The following PRKCZ variants were observed in gnomAD, a reference collection of about 807,000 sequenced individuals.
PRKCZ encodes the protein protein kinase C zeta type.
Under a neutral mutation model 79.5 loss-of-function variants are expected in PRKCZ, and 33 were observed. That is an observed-to-expected ratio of 0.41 (90% CI 0.31 to 0.55). The LOEUF is 0.55. Ranked by LOEUF, PRKCZ falls within the 20% of genes least tolerant of loss-of-function variation. The pLI is 0.19. For synonymous variants in PRKCZ, 342 were observed against 320.9 expected (o/e 1.07, Z -0.70); for missense variants, 578 against 813.5 (o/e 0.71, Z 3.52).
intron 4 of PRKCZ, among the ~76,000 whole-genome samples, chr1:2,061,769 G>A (rs1194448910): frequency 2.6e-5 from 4 of 152,296 alleles, no homozygotes; most frequent in East Asian, 3.9e-4. Flanking sequence ...CTGCCCACTC[G>A]GGGTCCCAGG....
chr1:2,129,240 G>A (rs1674507889), intron 4 of PRKCZ, among the ~76,000 whole-genome samples: 9 of 152,180 alleles, frequency 5.9e-5, no homozygotes, highest in Admixed American at 5.9e-4. Flanking sequence ...CCGAAAAGGT[G>A]GGAATGTGGA....
intron 4 of PRKCZ, among the ~76,000 whole-genome samples, chr1:2,088,337 T>G (rs993106620): frequency 3.6e-4 from 54 of 152,082 alleles, no homozygotes; most frequent in African/African-American, 1.3e-3. Flanking sequence ...TCCCTGTTCC[T>G]CCCCTGCAGT....
chr1:2,050,737 AGGCAGGGAG>A, intron 1 of PRKCZ, 36 bp downstream of exon 1: 2 of 550,148 alleles, frequency 3.6e-6, no homozygotes, highest in Non-Finnish European at 5.1e-6. Context: ...GGCGCGGGTG[AGGCAGGGAG>A]GGCGGGGAGG....
At chr1:2,071,362 A>G (rs749595840) in intron 4 of PRKCZ, 20 of 462,700 alleles carry the variant, frequency 4.3e-5, no homozygotes, top group Middle Eastern at 4.0e-4. Flanking sequence ...GGCGTCTGAG[A>G]GGAGGCGGCC....
At chr1:2,054,960 T>G (rs2803308) in intron 1 of PRKCZ, among the ~76,000 whole-genome samples, 2 of 149,760 alleles carry the variant, frequency 1.3e-5, no homozygotes, top group African/African-American at 2.5e-5. Context: ...TTTTTTTTTT[T>G]AATACGGAGT....
At chr1:2,095,645 C>T (rs946262767) in intron 4 of PRKCZ, among the ~76,000 whole-genome samples, 2 of 151,998 alleles carry the variant, frequency 1.3e-5, no homozygotes, top group Admixed American at 6.5e-5. Context: ...CCCTGTCTCC[C>T]GCAGCCTGGC....
rs904982089 is a variant in PRKCZ, at chr1:2,094,223, G to A, written c.334+34632G>A. ...GTCTTGGACGGGAGCTGGAAGGGAC[G>A]TGGTTCCAGTCCTGCTGTGCCAAGC... On this transcript the variant is annotated intron_variant, in intron 4 of 17. Coordinates refer to ENST00000378567, the MANE Select transcript of PRKCZ (RefSeq NM_002744.6). This position sits in a 1 kb window ranked among gnomAD's most constrained non-coding sequence, Gnocchi z 7.3. Among the ~76,000 whole-genome samples the A allele has an allele frequency of 6.6e-6, 1 of 152,146 alleles. No individual in the cohort carries two copies. Among genetic ancestry groups the A allele is most frequent in the Non-Finnish European group, 1.5e-5 (1 of 68,032 alleles).
At position 2,174,105 on chromosome 1, in the gene PRKCZ, G is replaced by T. The variant is rs1684989451; in HGVS notation, c.1405+89G>T. ...GTGCAGGTGGAGGGGTCCCGCGGGT[G>T]CCTGGAGCGGCAGTGCCATGCAAAG... On this transcript the variant is annotated intron_variant, in intron 14 of 17. Transcript: ENST00000378567. This position sits in a 1 kb window ranked among gnomAD's most constrained non-coding sequence, Gnocchi z 6.2. 2.8e-6 allele frequency: 4 copies of T among 1,446,768 alleles called. No homozygotes were observed. The highest frequency in any genetic ancestry group is 3.7e-6 in the Non-Finnish European group (4 of 1,085,822). 89.6% of individuals were successfully genotyped at this position (1,446,768 alleles called of 1,614,324 possible).
At chr1:2,142,562 G>T in intron 5 of PRKCZ, 1 of 262,922 alleles carries the variant, frequency 3.8e-6, no homozygotes, top group South Asian at 3.3e-5. Flanking sequence ...CAGAGGTCTT[G>T]GGTGGGATGC....
intron 16 of PRKCZ, chr1:2,182,465 G>A (rs114331883): frequency 1.3e-3 from 208 of 155,170 alleles, no homozygotes; most frequent in African/African-American, 4.7e-3. Context: ...CCCAGCTGGC[G>A]GGGCACCGGG....
Position 2,056,467 on chromosome 1 carries a change from T to C in PRKCZ, c.194-17T>C. 1 of 1,610,770 alleles carries C rather than the reference T, an allele frequency of 6.2e-7. No homozygotes were observed. Among genetic ancestry groups the C allele is most frequent in the Middle Eastern group, 1.7e-4 (1 of 5,854 alleles). On this transcript the variant is annotated splice_polypyrimidine_tract_variant and intron_variant, in intron 2 of 17. Transcript: ENST00000378567. ...CGGGCCTTCGGCGACGTCAGCACCG[T>C]CTCCTGCCCCACCCAGGTGACCCTT...
In PRKCZ at chr1:2,101,019, TAAAAAAAAAA is replaced by T. The variant is rs3067304; in HGVS notation, c.335-34233_335-34224del. On this transcript the variant is annotated intron_variant, in intron 4 of 17. Coordinates refer to ENST00000378567, the MANE Select transcript of PRKCZ (RefSeq NM_002744.6). ...AAATGACTAAGACAATTTATTTTGT[TAAAAAAAAAA>T]AAAAAAAAAGGCGTTAAGATGATTC... Among the ~76,000 whole-genome samples the T allele has an allele frequency of 5.9e-4, 79 of 133,488 alleles. 2 individuals carry two copies. The highest frequency in any genetic ancestry group is 6.0e-4 in the Non-Finnish European group (37 of 62,012). 87.6% of individuals were successfully genotyped at this position (133,488 alleles called of 152,430 possible).
chr1:2,093,889 G>A (rs774939749), intron 4 of PRKCZ, among the ~76,000 whole-genome samples: 2 of 152,148 alleles, frequency 1.3e-5, no homozygotes, highest in South Asian at 2.1e-4. Flanking sequence ...GTGGAGGTCC[G>A]CGGCCGTCAG....
intron 7 of PRKCZ, among the ~76,000 whole-genome samples, chr1:2,146,967 C>A (rs747303145): frequency 6.6e-6 from 1 of 152,154 alleles, no homozygotes; most frequent in African/African-American, 2.4e-5. Flanking sequence ...CATCCATCCA[C>A]CACCTATCCA....
At chr1:2,160,270 TGTC>T (rs1454197491) in intron 10 of PRKCZ, among the ~76,000 whole-genome samples, 15 of 148,212 alleles carry the variant, frequency 1.0e-4, no homozygotes, top group Non-Finnish European at 2.3e-4. Context: ...TGTGTGTGTG[TGTC>T]AGTTATGCTT....
intron 4 of PRKCZ, among the ~76,000 whole-genome samples, chr1:2,078,264 G>A (rs968394219): frequency 2.0e-5 from 3 of 152,246 alleles, no homozygotes; most frequent in Non-Finnish European, 4.4e-5. Context: ...GTCTGAGAAA[G>A]ATGGCGTGGG....
intron 9 of PRKCZ, among the ~76,000 whole-genome samples, chr1:2,154,135 G>A (rs1441831626): frequency 6.6e-6 from 1 of 152,232 alleles, no homozygotes; most frequent in Non-Finnish European, 1.5e-5. Context: ...TGGGGGACGG[G>A]TGGTGGCAGG....
chr1:2,092,950 C>T (rs1020568220), intron 4 of PRKCZ, among the ~76,000 whole-genome samples: 5 of 152,312 alleles, frequency 3.3e-5, no homozygotes, highest in Middle Eastern at 6.8e-3. Context: ...CCCCAGGCCT[C>T]GGGCCCTGCC....
At chr1:2,126,034 C>T (rs1027105267) in intron 4 of PRKCZ, among the ~76,000 whole-genome samples, 1 of 152,118 alleles carries the variant, frequency 6.6e-6, no homozygotes. Context: ...GGCTGTCGCC[C>T]GATCGCTCTA....
Sources: gnomAD v4.1 joint callset for allele counts (sites outside exome capture counted in the v4.1 genomes callset) on GRCh38, gnomAD v4.1.1 for gene constraint, Gnocchi (gnomAD v3.1) non-coding constraint, MANE v1.5 for transcripts, NCBI Gene and HGNC (gene_info 2026-07-23, HGNC 2026-07-21) for gene names.